Variants in STK35 observed in about 807,000 individuals in gnomAD.
STK35 encodes the protein serine/threonine-protein kinase 35.
Under a neutral mutation model 37.3 loss-of-function variants are expected in STK35, and 17 were observed. That is an observed-to-expected ratio of 0.46 (90% CI 0.31 to 0.68). The LOEUF is 0.68. Ranked by LOEUF, STK35 falls within the 30% of genes least tolerant of loss-of-function variation. The pLI is 0.05. For missense variants in STK35, 595 were observed against 746.7 expected, an observed-to-expected ratio of 0.80 and a Z score of 2.37; for synonymous variants, 385 against 319.1, an observed-to-expected ratio of 1.21 and a Z score of -2.20.
chr20:2,125,492 G>A (rs1046499020), intron 3 of STK35, among the ~76,000 whole-genome samples: 1 of 152,204 alleles, frequency 6.6e-6, no homozygotes, highest in Non-Finnish European at 1.5e-5. Flanking sequence ...AAACTCTACT[G>A]CTCCGTTCTG....
chr20:2,118,356 G>A (rs534711638), intron 3 of STK35, among the ~76,000 whole-genome samples: 6 of 152,162 alleles, frequency 3.9e-5, no homozygotes, highest in East Asian at 1.9e-4. Context: ...CAAGGTGGGC[G>A]GATCACGAGG....
At position 2,143,854 on chromosome 20, in the gene STK35, T is replaced by C. The variant is rs761550166; in HGVS notation, c.*108T>C. ...ACGGCAGAGGGTACAGGTGGTGGCCTGGCCGGTTGGCGATCTCCCGACAGC... is the reference window on the plus strand; with the variant it reads ...ACGGCAGAGGGTACAGGTGGTGGCCCGGCCGGTTGGCGATCTCCCGACAGC... On this transcript the variant is annotated 3_prime_UTR_variant, in exon 4 of 4. Transcript: ENST00000381482. 11 of 441,412 alleles carry C rather than the reference T, an allele frequency of 2.5e-5. No homozygotes were observed. Among genetic ancestry groups the C allele is most frequent in the Non-Finnish European group, 4.5e-5 (10 of 222,976 alleles). The allele number at this position is 441,412 out of a possible 1,614,324, so 27.3% of individuals were successfully genotyped here.
chr20:2,112,749 A>T (rs1405263708), intron 2 of STK35, among the ~76,000 whole-genome samples: 1 of 152,150 alleles, frequency 6.6e-6, no homozygotes, highest in African/African-American at 2.4e-5. Flanking sequence ...TTTACCTCAA[A>T]TCCTTACTAT....
intron 3 of STK35, among the ~76,000 whole-genome samples, chr20:2,135,937 G>A (rs915847984): frequency 2.0e-5 from 3 of 152,228 alleles, no homozygotes; most frequent in African/African-American, 7.2e-5. Flanking sequence ...AGTCAAGGCT[G>A]CAGTGAGCCA....
At chr20:2,138,255 T>A (rs1301106818) in intron 3 of STK35, among the ~76,000 whole-genome samples, 4 of 152,188 alleles carry the variant, frequency 2.6e-5, no homozygotes. Context: ...TTCTATTAAC[T>A]AAATCTGAGA....
rs887793115 is a variant in STK35, at chr20:2,147,201, CGCTCCCTCT to C, written c.*3462_*3470del. 37 of 152,936 alleles carry C rather than the reference CGCTCCCTCT, an allele frequency of 2.4e-4. No individual in the cohort carries two copies. Among genetic ancestry groups the C allele is most frequent in the African/African-American group, 7.9e-4 (33 of 41,588 alleles). 9.5% of individuals were successfully genotyped at this position (152,936 alleles called of 1,614,324 possible). On this transcript the variant is annotated 3_prime_UTR_variant, in exon 4 of 4. Coordinates refer to ENST00000381482, the MANE Select transcript of STK35 (RefSeq NM_080836.4). ...GCCCGGGGCAGGGGCAAACGCCCTC[CGCTCCCTCT>C]GCTCCCAACCCTGTGGTGCTAGGAC...
intron 3 of STK35, among the ~76,000 whole-genome samples, chr20:2,123,691 GCAAAGTATTCAAAGCAGTCT>G (rs938535944): frequency 6.6e-6 from 1 of 152,234 alleles, no homozygotes; most frequent in African/African-American, 2.4e-5. Flanking sequence ...GTTTGAAACA[GCAAAGTATTCAAAGCAGTCT>G]CTGTAGGGTA....
intron 3 of STK35, among the ~76,000 whole-genome samples, chr20:2,122,581 G>A (rs909100053): frequency 7.9e-5 from 12 of 152,172 alleles, no homozygotes; most frequent in Non-Finnish European, 1.8e-4. Context: ...TTTCCTGACT[G>A]TGTGGCCTTA....
intron 3 of STK35, among the ~76,000 whole-genome samples, chr20:2,122,126 G>A (rs1985829315): frequency 6.6e-6 from 1 of 152,188 alleles, no homozygotes; most frequent in Non-Finnish European, 1.5e-5. Context: ...TTGAGCTCAC[G>A]AGTTTGAGAC....
At chr20:2,131,773 G>A (rs1986004991) in intron 3 of STK35, among the ~76,000 whole-genome samples, 1 of 148,278 alleles carries the variant, frequency 6.7e-6, no homozygotes, top group African/African-American at 2.5e-5. Flanking sequence ...CTGGAGTGCA[G>A]TGGCACGATC....
intron 3 of STK35, among the ~76,000 whole-genome samples, chr20:2,123,388 C>T (rs1985851522): frequency 6.6e-6 from 1 of 152,174 alleles, no homozygotes; most frequent in Non-Finnish European, 1.5e-5. Context: ...TCTCAGCTAA[C>T]GTACTGGGTG....
chr20:2,126,241 G>T (rs1985903825), intron 3 of STK35, among the ~76,000 whole-genome samples: 1 of 152,180 alleles, frequency 6.6e-6, no homozygotes, highest in African/African-American at 2.4e-5. Flanking sequence ...TTGCCCAGTG[G>T]AGGCATTGAT....
chr20:2,114,853 C>T (rs1219100597), intron 2 of STK35, among the ~76,000 whole-genome samples: 2 of 152,190 alleles, frequency 1.3e-5, no homozygotes, highest in Non-Finnish European at 2.9e-5. Flanking sequence ...CTGATGTGGC[C>T]TTTGCAAAAG....
chr20:2,116,648 C>G lies in STK35; in HGVS notation c.893-18C>G. 6.2e-7 allele frequency: 1 copy of G among 1,603,898 alleles called. No individual in the cohort carries two copies. The highest frequency in any genetic ancestry group is 1.3e-5 in the African/African-American group (1 of 74,640). On this transcript the variant is annotated intron_variant, in intron 2 of 3. Transcript: ENST00000381482. Reference sequence around the variant, plus strand: ...GTGTCCATCTCACTCAAGCTCCTTCCTGTCTTCTTTGATTTAGGAGAAAGG... The same window carrying G: ...GTGTCCATCTCACTCAAGCTCCTTCGTGTCTTCTTTGATTTAGGAGAAAGG...
intron 3 of STK35, among the ~76,000 whole-genome samples, chr20:2,137,331 C>T (rs1160389062): frequency 6.6e-6 from 1 of 152,212 alleles, no homozygotes; most frequent in African/African-American, 2.4e-5. Context: ...GATCTTCCTA[C>T]TCCAAAGCCC....
In STK35 at chr20:2,102,019, C is replaced by T. The variant is rs1393613023; in HGVS notation, c.138C>T (p.Ser46=). 2 of 1,527,200 alleles carry T rather than the reference C, an allele frequency of 1.3e-6. No individual in the cohort carries two copies. The highest frequency in any genetic ancestry group is 1.8e-6 in the Non-Finnish European group (2 of 1,142,722). The allele number at this position is 1,527,200 out of a possible 1,614,324, so 94.6% of individuals were successfully genotyped here. Reference sequence around the variant, plus strand: ...TAGGAGCCCAGGCTTCCCCAGCGAGCGCCGCGGCAGCAGAAGGATCCGCTA... The same window carrying T: ...TAGGAGCCCAGGCTTCCCCAGCGAGTGCCGCGGCAGCAGAAGGATCCGCTA... ...GSLGAQASPA[S]AAAAEGSATR... is the part of the protein sequence containing the mutation. The change falls in exon 1 of 4, where the codon AGC becomes AGT. Residue 46 remains serine (S), a synonymous_variant. Coordinates refer to ENST00000381482, the MANE Select transcript of STK35 (RefSeq NM_080836.4).
rs1600620984 is a variant in STK35, at chr20:2,137,218, G to T, written c.*38-6566G>T. Among the ~76,000 whole-genome samples the T allele has an allele frequency of 2.0e-5, 3 of 152,302 alleles. No homozygotes were observed. The South Asian group carries it at 6.2e-4, about 32-fold the overall frequency. ...TCCACCTGCTATGTGTACTATCACTGGTCTTTGTACCCGGCAAAGTAGACA... is the reference window on the plus strand; with the variant it reads ...TCCACCTGCTATGTGTACTATCACTTGTCTTTGTACCCGGCAAAGTAGACA... On this transcript the variant is annotated intron_variant, in intron 3 of 3. Coordinates refer to ENST00000381482, the MANE Select transcript of STK35 (RefSeq NM_080836.4).
intron 2 of STK35, among the ~76,000 whole-genome samples, chr20:2,108,248 C>T (rs1297834023): frequency 2.6e-5 from 4 of 152,222 alleles, no homozygotes; most frequent in African/African-American, 9.6e-5. Context: ...GTGGCTCACA[C>T]CTGTAATCCC....
chr20:2,144,187 T>C lies in STK35; in HGVS notation c.*441T>C, dbSNP rs940088177. ...TTTATACTTTTCTCAGTTCTACTTATGACACCTCACTTCCCTAGAGAAGGC... is the reference window on the plus strand; with the variant it reads ...TTTATACTTTTCTCAGTTCTACTTACGACACCTCACTTCCCTAGAGAAGGC... On this transcript the variant is annotated 3_prime_UTR_variant, in exon 4 of 4. Transcript: ENST00000381482. The C allele has an allele frequency of 3.5e-6, 1 of 286,614 alleles. No homozygotes were observed. The highest frequency in any genetic ancestry group is 2.4e-5 in the African/African-American group (1 of 42,406). 17.8% of individuals were successfully genotyped at this position (286,614 alleles called of 1,614,324 possible). A position where few individuals can be genotyped will look rare whatever the true frequency, so the allele number is the denominator to read the frequency against.
Sources: gnomAD v4.1 joint callset for allele counts (sites outside exome capture counted in the v4.1 genomes callset) on GRCh38, gnomAD v4.1.1 for gene constraint, MANE v1.5 for transcripts, NCBI Gene and HGNC (gene_info 2026-07-23, HGNC 2026-07-21) for gene names.